Variants in DNAH9 observed in about 807,000 individuals in gnomAD.
The protein encoded by DNAH9 is DNAH9 variant protein.
In DNAH9, 345 loss-of-function variants were observed where a neutral mutation model predicts 471.6. That is an observed-to-expected ratio of 0.73 (90% CI 0.67 to 0.80). The LOEUF (loss-of-function observed/expected upper bound fraction) is 0.80. Ranked by LOEUF, DNAH9 falls within the 30% of genes least tolerant of loss-of-function variation. The probability of loss-of-function intolerance (pLI) is 0.00; values close to 1 mark genes in which losing one functional copy is unlikely to be tolerated. For synonymous variants in DNAH9, 2,093 were observed against 2,123.6 expected (o/e 0.99, Z 0.40); for missense variants, 5,407 against 5,609.2 (o/e 0.96, Z 1.15).
In DNAH9 at chr17:11,934,435, A is replaced by ATTTTTTTTTTT. The variant is rs547023975; in HGVS notation, c.12489+382_12489+392dup. Among the ~76,000 whole-genome samples the ATTTTTTTTTTT allele has an allele frequency of 8.8e-4, 76 of 86,020 alleles. 11 individuals are homozygous for ATTTTTTTTTTT. Among genetic ancestry groups the ATTTTTTTTTTT allele is most frequent in the Non-Finnish European group, 1.3e-3 (57 of 44,582 alleles). 56.4% of individuals were successfully genotyped at this position (86,020 alleles called of 152,430 possible). The stretch of plus-strand genomic sequence containing the variant: ...TTTCACTTGGGATGTTGACAAACCC[A>ATTTTTTTTTTT]TTTTTTTTTTTTTTTTTTTTTTTTT... On this transcript the variant is annotated intron_variant, in intron 65 of 68. Transcript: ENST00000262442.
rs1011721463 is a variant in DNAH9 at position 11,778,424 on chromosome 17, G to A, written c.7553-2585G>A. On this transcript the variant is annotated intron_variant, in intron 38 of 68. Transcript: ENST00000262442. ...GAGCAGAGCTTGAGGAGGAGAACAG[G>A]AGAGAAAAACAAAGATGCAAGTTTA... Among the ~76,000 whole-genome samples, 10 of 151,166 alleles carry A rather than the reference G, an allele frequency of 6.6e-5. No homozygotes were observed. The South Asian group carries it at 1.5e-3, about 22-fold the overall frequency.
intron 58 of DNAH9, among the ~76,000 whole-genome samples, chr17:11,893,407 G>A (rs1007678838): frequency 5.4e-5 from 8 of 148,378 alleles, no homozygotes; most frequent in African/African-American, 1.2e-4. Context: ...ACATACACAC[G>A]TATGTTTATT....
In DNAH9 at chr17:11,608,268, T is replaced by C. The variant is rs757086800; in HGVS notation, c.557T>C (p.Leu186Pro). 2 of 1,613,816 alleles carry C rather than the reference T, an allele frequency of 1.2e-6. No homozygotes were observed. The highest frequency in any genetic ancestry group is 2.2e-5 in the South Asian group (2 of 91,064). The part of the protein sequence containing the change: ...ILEQVKGKTL[L>P]PLPAGSEKME... ...GAGCAAGTGAAGGGAAAAACTTTGC[T>C]GCCTCTTCCAGCAGGCTCAGAAAAA... is the stretch of plus-strand genomic sequence containing the variant. The change falls in exon 2 of 69, where the codon CTG becomes CCG. Residue 186 changes from leucine to proline, a missense_variant. Leu to Pro is a moderately conservative substitution (Grantham distance 98, BLOSUM62 -3). This residue lies in a region of DNAH9 where 767 missense variants were observed against 692.5 expected (regional missense o/e 1.11). Coordinates refer to ENST00000262442, the MANE Select transcript of DNAH9 (RefSeq NM_001372.4).
chr17:11,680,653 G>A, intron 18 of DNAH9, 70 bp from the exon 19 acceptor site: 1 of 1,372,694 alleles, frequency 7.3e-7, no homozygotes, highest in Non-Finnish European at 1.0e-6. Flanking sequence ...TCTGGGCTCT[G>A]TCCAGCTCAG....
At chr17:11,675,337 A>T (rs182024049) in intron 17 of DNAH9, among the ~76,000 whole-genome samples, 1 of 152,138 alleles carries the variant, frequency 6.6e-6, no homozygotes, top group Non-Finnish European at 1.5e-5. Context: ...ATTCATCTGT[A>T]CATTCTTTGG....
intron 43 of DNAH9, among the ~76,000 whole-genome samples, chr17:11,799,693 T>TCTC (rs140368689): frequency 0.68 from 103,897 of 151,680 alleles, 35,750 homozygotes; most frequent in Non-Finnish European, 0.7. Context: ...TTCAAGCCAT[T>TCTC]CTGCCTCAGC....
intron 5 of DNAH9, among the ~76,000 whole-genome samples, chr17:11,618,534 G>C (rs972099508): frequency 5.5e-5 from 8 of 146,776 alleles, no homozygotes; most frequent in African/African-American, 2.0e-4. Context: ...TGCAGTGAGC[G>C]AAGATTGTGC....
intron 49 of DNAH9, among the ~76,000 whole-genome samples, chr17:11,851,637 A>G (rs1026914823): frequency 6.6e-6 from 1 of 152,072 alleles, no homozygotes; most frequent in Non-Finnish European, 1.5e-5. Flanking sequence ...TAAAAAAGCA[A>G]CCCACACACA....
chr17:11,781,247 T>C (rs1251311514), intron 39 of DNAH9, 73 bp downstream of exon 39: 17 of 1,508,408 alleles, frequency 1.1e-5, no homozygotes, highest in Non-Finnish European at 1.4e-5. Context: ...CAGTCTCTAT[T>C]CTGCCTGAAC....
intron 43 of DNAH9, 122 bp downstream of exon 43, chr17:11,797,915 A>G: frequency 2.0e-6 from 2 of 986,526 alleles, no homozygotes; most frequent in Non-Finnish European, 3.0e-6. Context: ...TTCTGCCTTA[A>G]AAGTCAAGAT....
At chr17:11,879,155 A>G (rs1389540485) in intron 53 of DNAH9, among the ~76,000 whole-genome samples, 1 of 152,102 alleles carries the variant, frequency 6.6e-6, no homozygotes, top group African/African-American at 2.4e-5. Flanking sequence ...TCCCATTACA[A>G]AAGTAATGTA....
intron 51 of DNAH9, 29 bp from the exon 52 acceptor site, chr17:11,871,569 C>A: frequency 6.2e-7 from 1 of 1,606,822 alleles, no homozygotes; most frequent in Non-Finnish European, 8.5e-7. Context: ...TAACACGCCT[C>A]CTCTCCTCTC....
chr17:11,797,235 C>T (rs533596295), intron 42 of DNAH9, among the ~76,000 whole-genome samples: 46 of 152,206 alleles, frequency 3.0e-4, no homozygotes, highest in African/African-American at 1.0e-3. Context: ...GGCGATTGGG[C>T]CACGATCCCC....
chr17:11,680,393 G>A (rs559646282), intron 18 of DNAH9, among the ~76,000 whole-genome samples: 2 of 152,318 alleles, frequency 1.3e-5, no homozygotes, highest in South Asian at 2.1e-4. Flanking sequence ...AATAGAAACC[G>A]AAGATTGTAG....
chr17:11,727,717 G>A, intron 27 of DNAH9, 101 bp from the exon 28 acceptor site: 1 of 748,072 alleles, frequency 1.3e-6, no homozygotes, highest in Admixed American at 2.2e-5. Flanking sequence ...GGTCTTTAGG[G>A]GGACTAGAAG....
At chr17:11,760,758 T>C (rs1208882090) in intron 35 of DNAH9, among the ~76,000 whole-genome samples, 1 of 152,182 alleles carries the variant, frequency 6.6e-6, no homozygotes, top group Non-Finnish European at 1.5e-5. Context: ...GACCTCGTGA[T>C]CTGCCCTCCT....
At chr17:11,722,563 G>C (rs145003487) in intron 27 of DNAH9, among the ~76,000 whole-genome samples, 1 of 152,168 alleles carries the variant, frequency 6.6e-6, no homozygotes, top group Non-Finnish European at 1.5e-5. Context: ...TGAAGCAAAG[G>C]GAGAGGTTGA....
At chr17:11,616,977 C>G (rs2072759649) in intron 4 of DNAH9, among the ~76,000 whole-genome samples, 1 of 152,284 alleles carries the variant, frequency 6.6e-6, no homozygotes, top group Admixed American at 6.5e-5. Context: ...CACAAGGACC[C>G]TTTAAACTGA....
chr17:11,943,448 G>A (rs899271540), intron 67 of DNAH9, among the ~76,000 whole-genome samples: 2 of 152,084 alleles, frequency 1.3e-5, no homozygotes, highest in Non-Finnish European at 2.9e-5. Context: ...GGAGCCCAAG[G>A]CGGGCGGATC....
Sources: allele counts gnomAD v4.1 joint callset (sites outside exome capture counted in the v4.1 genomes callset), GRCh38; gene constraint gnomAD v4.1.1; regional missense constraint gnomAD v4.1.1; transcripts MANE v1.5; gene names NCBI Gene and HGNC (gene_info 2026-07-23, HGNC 2026-07-21).